GRIK2: variants seen among roughly 807,000 people sequenced by gnomAD.
GRIK2 encodes glutamate ionotropic receptor kainate type subunit 2.
A neutral mutation model predicts 100.3 loss-of-function variants in GRIK2; 32 were observed. The ratio of observed to expected loss-of-function variants is 0.32; its 90% CI spans 0.24 to 0.43. The LOEUF (loss-of-function observed/expected upper bound fraction) is 0.43, where lower values mean the gene tolerates loss of function less well. GRIK2 is among the 20% of genes least tolerant of loss of function. GRIK2 has a pLI of 1.00. For missense variants in GRIK2, 843 were observed against 1,114.9 expected (o/e 0.76, Z 3.47); for synonymous variants, 417 against 389.4 (o/e 1.07, Z -0.83).
At chr6:101,965,265 A>G (rs890310878) in intron 14 of GRIK2, among the ~76,000 whole-genome samples, 1 of 152,192 alleles carries the variant, frequency 6.6e-6, no homozygotes, top group East Asian at 1.9e-4. Context: ...GTAAAACTGG[A>G]TAAAGTACCA....
At chr6:101,872,090 AT>A (rs1328421225) in intron 11 of GRIK2, among the ~76,000 whole-genome samples, 7 of 151,890 alleles carry the variant, frequency 4.6e-5, no homozygotes, top group Non-Finnish European at 1.5e-5. Context: ...CTGATGTGAG[AT>A]GGTATCTCAA....
At chr6:101,761,093 C>G (rs1335983875) in intron 7 of GRIK2, among the ~76,000 whole-genome samples, 2 of 152,108 alleles carry the variant, frequency 1.3e-5, no homozygotes, top group East Asian at 3.9e-4. Context: ...TGAGTGTCCT[C>G]TTTTGACTCC....
intron 14 of GRIK2, among the ~76,000 whole-genome samples, chr6:101,995,169 C>T (rs1043929456): frequency 3.0e-4 from 45 of 151,924 alleles, no homozygotes; most frequent in African/African-American, 1.1e-3. Context: ...TGCCAGCCAT[C>T]ACATGAGATG....
intron 14 of GRIK2, among the ~76,000 whole-genome samples, chr6:102,025,857 T>C (rs913707819): frequency 6.6e-6 from 1 of 150,900 alleles, no homozygotes; most frequent in African/African-American, 2.4e-5. Flanking sequence ...ATTGAATGAA[T>C]AATCTAGTGA....
intron 2 of GRIK2, among the ~76,000 whole-genome samples, chr6:101,445,037 C>T (rs1006476254): frequency 1.3e-5 from 2 of 152,064 alleles, no homozygotes; most frequent in Non-Finnish European, 2.9e-5. Flanking sequence ...GCATCCTTGG[C>T]ATTCCTTTCC....
intron 14 of GRIK2, among the ~76,000 whole-genome samples, chr6:101,982,805 G>A (rs766887546): frequency 1.1e-4 from 16 of 151,542 alleles, no homozygotes; most frequent in African/African-American, 4.8e-5. Context: ...TCAGGTACCC[G>A]TTACCTTACA....
In GRIK2 at chr6:101,978,075, T is replaced by A. The variant is rs139823165; in HGVS notation, c.2085+49443T>A. ...TACATTCCTGCCTGATAGGAGGTTTTTTTCTGAGCCCCACATATTTCTATA... is the reference window on the plus strand; with the variant it reads ...TACATTCCTGCCTGATAGGAGGTTTATTTCTGAGCCCCACATATTTCTATA... On this transcript the variant is annotated intron_variant, in intron 14 of 16. Coordinates refer to ENST00000369134, the MANE Select transcript of GRIK2 (RefSeq NM_021956.5). Among the ~76,000 whole-genome samples, 6 of 152,042 alleles carry A rather than the reference T, an allele frequency of 3.9e-5. No individual in the cohort carries two copies. The East Asian group carries it at 1.2e-3, about 30-fold the overall frequency.
chr6:101,757,066 A>G (rs1777178746), intron 7 of GRIK2, among the ~76,000 whole-genome samples: 2 of 152,182 alleles, frequency 1.3e-5, no homozygotes, highest in Non-Finnish European at 2.9e-5. Flanking sequence ...CTTGCTTTAA[A>G]TAGCTTTAAA....
At chr6:101,408,583 A>C (rs1219128498) in intron 2 of GRIK2, among the ~76,000 whole-genome samples, 1 of 152,090 alleles carries the variant, frequency 6.6e-6, no homozygotes, top group East Asian at 1.9e-4. Context: ...AGGCATGAAG[A>C]AAAAAAGAAA....
chr6:101,405,948 G>C (rs149499304), intron 2 of GRIK2, among the ~76,000 whole-genome samples: 1,596 of 152,276 alleles, frequency 0.01, 34 homozygotes, highest in African/African-American at 0.037. Context: ...TTTGTAAACA[G>C]CAAAAGCATA....
chr6:101,685,400 A>T (rs79159601), intron 6 of GRIK2, among the ~76,000 whole-genome samples: 8 of 152,254 alleles, frequency 5.3e-5, no homozygotes, highest in Non-Finnish European at 1.2e-4. Context: ...TCTTGCCTTG[A>T]TTCTCAATAT....
chr6:101,704,219 G>A (rs936590169), intron 7 of GRIK2, among the ~76,000 whole-genome samples: 4 of 151,566 alleles, frequency 2.6e-5, no homozygotes, highest in Non-Finnish European at 5.9e-5. Flanking sequence ...AGACCATGAT[G>A]GAGAATAAGA....
At chr6:101,719,072 G>A (rs1774269322) in intron 7 of GRIK2, among the ~76,000 whole-genome samples, 1 of 138,874 alleles carries the variant, frequency 7.2e-6, no homozygotes, top group Non-Finnish European at 1.5e-5. Flanking sequence ...TATATATGAT[G>A]TTTTAAATTT....
intron 14 of GRIK2, among the ~76,000 whole-genome samples, chr6:101,946,250 A>G (rs1791269040): frequency 6.6e-6 from 1 of 152,124 alleles, no homozygotes; most frequent in South Asian, 2.1e-4. Flanking sequence ...TCTGATATAT[A>G]TAATATGTAT....
chr6:101,430,168 G>C (rs1456011945), intron 2 of GRIK2, among the ~76,000 whole-genome samples: 1 of 152,138 alleles, frequency 6.6e-6, no homozygotes. Context: ...GAGTGACCGA[G>C]TTACATGTAC....
chr6:101,732,731 G>A (rs575326764), intron 7 of GRIK2, among the ~76,000 whole-genome samples: 1 of 152,130 alleles, frequency 6.6e-6, no homozygotes, highest in African/African-American at 2.4e-5. Context: ...GTAAATCTGA[G>A]CATTCACTTT....
intron 11 of GRIK2, among the ~76,000 whole-genome samples, chr6:101,879,678 ATT>A (rs34632401): frequency 6.8e-6 from 1 of 147,256 alleles, no homozygotes; most frequent in Admixed American, 6.8e-5. Context: ...ATCTCACTAC[ATT>A]TTTTTTTTTT....
chr6:101,564,717 C>T (rs1392869442), intron 2 of GRIK2, among the ~76,000 whole-genome samples: 2 of 152,114 alleles, frequency 1.3e-5, no homozygotes, highest in Non-Finnish European at 2.9e-5. Context: ...TTATTCCTTT[C>T]AGGGGAATTT....
Position 101,710,101 on chromosome 6 carries a change from G to T in GRIK2, c.951+23748G>T, listed in dbSNP as rs1309528484. ...CCACTGTTAGAGATACTTGGTCTTAGGTTGATTTGATCAGAATTACATTTA... is the reference window on the plus strand; with the variant it reads ...CCACTGTTAGAGATACTTGGTCTTATGTTGATTTGATCAGAATTACATTTA... On this transcript the variant is annotated intron_variant, in intron 7 of 16. Transcript: ENST00000369134. 2.6e-5 allele frequency among the ~76,000 whole-genome samples: 4 copies of T among 151,842 alleles called. No individual in the cohort carries two copies. The East Asian group carries it at 5.8e-4, about 22-fold the overall frequency.
Sources: gnomAD v4.1 joint callset for allele counts (sites outside exome capture counted in the v4.1 genomes callset) on GRCh38, gnomAD v4.1.1 for gene constraint, MANE v1.5 for transcripts, NCBI Gene and HGNC (gene_info 2026-07-23, HGNC 2026-07-21) for gene names.